GJC1: variants seen among roughly 807,000 people sequenced by gnomAD.
GJC1 encodes the protein gap junction gamma-1 protein.
In GJC1, 5 loss-of-function variants were observed where a neutral mutation model predicts 29.3. The ratio of observed to expected loss-of-function variants is 0.17; its 90% confidence interval spans 0.09 to 0.36. GJC1 has a LOEUF of 0.36. GJC1 is among the 10% of genes least tolerant of loss of function. The pLI is 1.00. For missense variants in GJC1, 310 were observed against 496.2 expected (o/e 0.62, Z 3.56); for synonymous variants, 177 against 183.3 (o/e 0.97, Z 0.28).
At chr17:44,820,095 A>T (rs2145353633) in intron 1 of GJC1, among the ~76,000 whole-genome samples, 1 of 152,256 alleles carries the variant, frequency 6.6e-6, no homozygotes, top group African/African-American at 2.4e-5. Context: ...TAATTGGTTG[A>T]GGAACATTAT....
Position 44,805,165 on chromosome 17 carries a change from A to G in GJC1, c.653T>C (p.Ile218Thr), listed in dbSNP as rs747208403. ...AGTGGGTCTAGAAATAAAGCAGTCT[A>G]TCTTATGAGGACAAGGAAGTCTGCT... ...VCSRLPCPHK[I>T]DCFISRPTEK... The change falls in exon 3 of 3, where the codon ATA becomes ACA. Residue 218 changes from isoleucine to threonine, a missense_variant. Ile to Thr is a moderately conservative substitution (Grantham distance 89). Transcript: ENST00000592524. The surrounding 1 kb of genome is among the most constrained non-coding windows in gnomAD (Gnocchi z 5.1). 1 of 1,614,178 alleles carries G rather than the reference A, an allele frequency of 6.2e-7. No individual in the cohort carries two copies.
chr17:44,824,938 GA>G (rs1443168297), intron 1 of GJC1, among the ~76,000 whole-genome samples: 1 of 149,106 alleles, frequency 6.7e-6, no homozygotes, highest in African/African-American at 2.5e-5. Flanking sequence ...AAAACGTTGG[GA>G]TCCAGGTGCC....
Position 44,805,668 on chromosome 17 carries a change from T to C in GJC1, c.150A>G (p.Lys50=), listed in dbSNP as rs762440186. 33 of 1,614,134 alleles carry C rather than the reference T, an allele frequency of 2.0e-5. No homozygotes were observed. Among genetic ancestry groups the C allele is most frequent in the Non-Finnish European group, 2.8e-5 (33 of 1,180,024 alleles). Residue 50 remains lysine (K), a synonymous_variant, in exon 3 of 3, where the codon AAA becomes AAG. Coordinates refer to ENST00000592524, the MANE Select transcript of GJC1 (RefSeq NM_005497.4). The surrounding 1 kb of genome is among the most constrained non-coding windows in gnomAD (Gnocchi z 5.1). ...GESIYYDEQS[K]FVCNTEQPGC... is the part of the protein sequence containing the mutation. ...CCGGCTGTTCTGTGTTGCACACAAA[T>C]TTGCTTTGCTCATCGTAATAGATGG...
intron 1 of GJC1, among the ~76,000 whole-genome samples, chr17:44,819,022 T>C (rs2050074699): frequency 6.6e-6 from 1 of 152,140 alleles, no homozygotes. Flanking sequence ...TTAACTTGTG[T>C]CCTGTTAAAT....
chr17:44,819,507 A>T (rs1363931275), intron 1 of GJC1, among the ~76,000 whole-genome samples: 1 of 151,722 alleles, frequency 6.6e-6, no homozygotes, highest in African/African-American at 2.4e-5. Context: ...AAATACAAAA[A>T]ATTAGTCGGG....
At chr17:44,818,428 T>A (rs2145347944) in intron 1 of GJC1, among the ~76,000 whole-genome samples, 1 of 150,754 alleles carries the variant, frequency 6.6e-6, no homozygotes, top group South Asian at 2.1e-4. Flanking sequence ...GCATTGAGAA[T>A]AGGGAGACCA....
At chr17:44,830,845 G>C (rs1448810999), upstream of GJC1, 1 of 396,494 alleles carries the variant, frequency 2.5e-6, no homozygotes, top group African/African-American at 2.1e-5. The surrounding 1 kb of genome is among the most constrained non-coding windows in gnomAD (Gnocchi z 4.3). Flanking sequence ...GAACTTCTCG[G>C]ATTAGCAAGA....
downstream of GJC1, chr17:44,794,409 C>T (rs565334127): frequency 1.3e-5 from 2 of 152,322 alleles, no homozygotes; most frequent in East Asian, 1.9e-4. Context: ...TCAGTTTCCC[C>T]GATCTTCCTG....
intron 1 of GJC1, among the ~76,000 whole-genome samples, chr17:44,809,172 G>A (rs992694234): frequency 6.6e-6 from 1 of 152,096 alleles, no homozygotes; most frequent in South Asian, 2.1e-4. Context: ...GAAGGAGGAG[G>A]ATCACTTGAA....
At position 44,800,340 on chromosome 17, in the gene GJC1, C is replaced by A. The variant is rs983639684; in HGVS notation, c.*4287G>T. ...GGCCAGGCTGGTCTCAAACTCCTGACCTTGTGATTCGCCCACCTTGGCCTC... is the reference window on the plus strand; with the variant it reads ...GGCCAGGCTGGTCTCAAACTCCTGAACTTGTGATTCGCCCACCTTGGCCTC... On this transcript the variant is annotated 3_prime_UTR_variant, in exon 3 of 3. Transcript: ENST00000592524. The A allele has an allele frequency of 6.6e-6, 1 of 152,136 alleles. No individual in the cohort carries two copies. Among genetic ancestry groups the A allele is most frequent in the Non-Finnish European group, 1.5e-5 (1 of 68,050 alleles). The allele number at this position is 152,136 out of a possible 1,614,324, so 9.4% of individuals were successfully genotyped here.
intron 1 of GJC1, among the ~76,000 whole-genome samples, chr17:44,828,000 T>C (rs1421807806): frequency 6.6e-6 from 1 of 152,188 alleles, no homozygotes; most frequent in Non-Finnish European, 1.5e-5. Context: ...CACTAAGCAT[T>C]TGTTAAGAGA....
At chr17:44,806,603 G>A in intron 2 of GJC1, among the ~76,000 whole-genome samples, 1 of 151,760 alleles carries the variant, frequency 6.6e-6, no homozygotes, top group African/African-American at 2.4e-5. Flanking sequence ...TGGCCAGGCT[G>A]GTCTCGAACT....
intron 1 of GJC1, among the ~76,000 whole-genome samples, chr17:44,818,871 G>T (rs184178087): frequency 6.6e-6 from 1 of 152,180 alleles, no homozygotes; most frequent in East Asian, 1.9e-4. Context: ...ACTTTGGGAG[G>T]CTGAGATGGG....
intron 1 of GJC1, chr17:44,807,848 T>C (rs942370337): frequency 9.2e-5 from 14 of 152,182 alleles, no homozygotes; most frequent in Non-Finnish European, 1.9e-4. Context: ...ATCTGCTCTA[T>C]TCCCTGAAGC....
At chr17:44,818,472 C>T (rs1240255645) in intron 1 of GJC1, among the ~76,000 whole-genome samples, 5 of 148,220 alleles carry the variant, frequency 3.4e-5, no homozygotes, top group African/African-American at 1.3e-4. Context: ...ATCACTTCCA[C>T]ATATATCTTT....
At chr17:44,830,508 G>A (rs1416053259), upstream of GJC1, 21 of 396,404 alleles carry the variant, frequency 5.3e-5, no homozygotes, top group East Asian at 7.5e-4. This position sits in a 1 kb window ranked among gnomAD's most constrained non-coding sequence, Gnocchi z 4.3. Context: ...CGTGGAGTCT[G>A]GACCCCGGGT....
In GJC1 at chr17:44,805,959, C is replaced by A. The variant is rs2049908144; in HGVS notation, c.-20-122G>T. 1 of 600,884 alleles carries A rather than the reference C, an allele frequency of 1.7e-6. No individual in the cohort carries two copies. Among genetic ancestry groups the A allele is most frequent in the South Asian group, 2.2e-5 (1 of 44,782 alleles). 37.2% of individuals were successfully genotyped at this position (600,884 alleles called of 1,614,324 possible). On this transcript the variant is annotated intron_variant, in intron 2 of 2. Transcript: ENST00000592524. This position sits in a 1 kb window ranked among gnomAD's most constrained non-coding sequence, Gnocchi z 5.1. ...ACTTGAAATCTAACCTCAAGGTTCA[C>A]AGTGGAACAAATGTTAGAATAAACA... is the stretch of plus-strand genomic sequence containing the variant.
chr17:44,826,077 C>T (rs1018986256), intron 1 of GJC1, among the ~76,000 whole-genome samples: 12 of 152,174 alleles, frequency 7.9e-5, no homozygotes, highest in Non-Finnish European at 1.0e-4. Context: ...ACTGCCACCA[C>T]GCCCAGGTAA....
In GJC1 at chr17:44,798,816, T is replaced by C. The variant is rs972352639; in HGVS notation, c.*5811A>G. The C allele has an allele frequency of 2.0e-5, 3 of 152,156 alleles. No homozygotes were observed. Among genetic ancestry groups the C allele is most frequent in the African/African-American group, 7.2e-5 (3 of 41,412 alleles). 9.4% of individuals were successfully genotyped at this position (152,156 alleles called of 1,614,324 possible). On this transcript the variant is annotated 3_prime_UTR_variant, in exon 3 of 3. Coordinates refer to ENST00000592524, the MANE Select transcript of GJC1 (RefSeq NM_005497.4). ...ATTGAGAGTATAATACAGAAAAACATTTAAATCTTGGAAGCATATAGCCTG... is the reference window on the plus strand; with the variant it reads ...ATTGAGAGTATAATACAGAAAAACACTTAAATCTTGGAAGCATATAGCCTG...
Sources: allele counts gnomAD v4.1 joint callset (sites outside exome capture counted in the v4.1 genomes callset), GRCh38; gene constraint gnomAD v4.1.1; non-coding constraint Gnocchi (gnomAD v3.1); transcripts MANE v1.5; gene names NCBI Gene and HGNC (gene_info 2026-07-23, HGNC 2026-07-21).